SEC62: variants seen among roughly 807,000 people sequenced by gnomAD.
SEC62 encodes SEC62 preprotein translocation factor.
Under a neutral mutation model 47.5 loss-of-function variants are expected in SEC62, and 10 were observed. That is an observed-to-expected ratio of 0.21 (90% CI 0.13 to 0.36). The LOEUF is 0.36. SEC62 is among the 10% of genes least tolerant of loss of function. The probability of loss-of-function intolerance (pLI) is 1.00; values close to 1 mark genes in which losing one functional copy is unlikely to be tolerated. For synonymous variants in SEC62, 136 were observed against 150.5 expected, an observed-to-expected ratio of 0.90 and a Z score of 0.71; for missense variants, 327 against 464.1, an observed-to-expected ratio of 0.70 and a Z score of 2.71.
At chr3:169,975,830 G>T in intron 2 of SEC62, 114 bp downstream of exon 2, 1 of 595,796 alleles carries the variant, frequency 1.7e-6, no homozygotes. Flanking sequence ...TCTGGTGATG[G>T]ACATATGGCA....
rs542234441 is a variant in SEC62, at chr3:169,986,022, A to T, written c.610+157A>T. 6 of 550,036 alleles carry T rather than the reference A, an allele frequency of 1.1e-5. No homozygotes were observed. In the African/African-American group the frequency reaches 1.1e-4, roughly 11 times the overall value. 34.1% of individuals were successfully genotyped at this position (550,036 alleles called of 1,614,324 possible). On this transcript the variant is annotated intron_variant, in intron 6 of 7. Transcript: ENST00000337002. ...TCAGAAGATAAATAATACACTAAGG[A>T]AAATATTTGAAACATATTAAAGATC... is the stretch of plus-strand genomic sequence containing the variant.
chr3:169,987,253 CTCGTT>C (rs1715131759), intron 6 of SEC62, among the ~76,000 whole-genome samples: 1 of 151,912 alleles, frequency 6.6e-6, no homozygotes, highest in Admixed American at 6.6e-5. Flanking sequence ...ATGGCGAAAC[CTCGTT>C]TCTACAAAAA....
chr3:169,987,109 T>C (rs1715127906), intron 6 of SEC62, among the ~76,000 whole-genome samples: 1 of 151,674 alleles, frequency 6.6e-6, no homozygotes, highest in South Asian at 2.1e-4. Context: ...TTGGTCAATA[T>C]GGTATGATAG....
intron 1 of SEC62, among the ~76,000 whole-genome samples, chr3:169,970,640 G>A (rs1370435057): frequency 2.0e-5 from 3 of 152,150 alleles, no homozygotes; most frequent in Non-Finnish European, 4.4e-5. Flanking sequence ...AAATAATTTT[G>A]TATTTTAAGT....
chr3:169,970,587 A>G (rs897135693), intron 1 of SEC62, among the ~76,000 whole-genome samples: 5 of 152,224 alleles, frequency 3.3e-5, no homozygotes, highest in African/African-American at 1.2e-4. Flanking sequence ...AACAGTATTT[A>G]TTAAAGAATT....
At position 169,986,016 on chromosome 3, in the gene SEC62, C is replaced by T. The variant is rs1406698161; in HGVS notation, c.610+151C>T. 5 of 541,030 alleles carry T rather than the reference C, an allele frequency of 9.2e-6. No homozygotes were observed. The East Asian group carries it at 9.3e-5, about 10-fold the overall frequency. 33.5% of individuals were successfully genotyped at this position (541,030 alleles called of 1,614,324 possible). A position where few individuals can be genotyped will look rare whatever the true frequency, so the allele number is the denominator to read the frequency against. On this transcript the variant is annotated intron_variant, in intron 6 of 7. Transcript: ENST00000337002. ...ATAAAGTCAGAAGATAAATAATACACTAAGGAAAATATTTGAAACATATTA... is the reference window on the plus strand; with the variant it reads ...ATAAAGTCAGAAGATAAATAATACATTAAGGAAAATATTTGAAACATATTA...
intron 1 of SEC62, among the ~76,000 whole-genome samples, chr3:169,970,085 C>G (rs1173625492): frequency 6.6e-6 from 1 of 152,134 alleles, no homozygotes; most frequent in Non-Finnish European, 1.5e-5. Flanking sequence ...CTCAGGAAGC[C>G]AGTCCTAAAT....
rs1215600677 is a variant in SEC62 at position 169,977,033 on chromosome 3, T to C, written c.233T>C (p.Val78Ala). The C allele has an allele frequency of 6.2e-7, 1 of 1,609,860 alleles. No individual in the cohort carries two copies. The highest frequency in any genetic ancestry group is 1.7e-5 in the Admixed American group (1 of 59,930). Residue 78 changes from valine to alanine, a missense_variant, in exon 3 of 8, where the codon GTG (valine) becomes GCG (alanine). Physicochemically the swap from Val to Ala is moderately conservative, Grantham distance 64 (BLOSUM62 0). Coordinates refer to ENST00000337002, the MANE Select transcript of SEC62 (RefSeq NM_003262.4). ...EEALFTTRES[V>A]VDYCNRLLKK... ...GCTTTATTTACAACCAGGGAGTCTG[T>C]GGTTGACTACTGCAACAGGTACTGT...
At chr3:169,976,657 C>T (rs567510628) in intron 2 of SEC62, among the ~76,000 whole-genome samples, 1 of 152,252 alleles carries the variant, frequency 6.6e-6, no homozygotes, top group Non-Finnish European at 1.5e-5. Context: ...GTGATAGTTA[C>T]ATACAGATAT....
Position 169,982,840 on chromosome 3 carries a change from A to T in SEC62, c.385A>T (p.Asn129Tyr), listed in dbSNP as rs897727271. The change falls in exon 4 of 8, where the codon AAT (asparagine) becomes TAT (tyrosine). Residue 129 changes from asparagine (N) to tyrosine (Y), a missense_variant. By Grantham distance (143) the Asn-to-Tyr change is moderately radical (BLOSUM62 -2). Transcript: ENST00000337002. ...AGAAGATAAAAAGAGCAAGAAAGAAAATATAAAGGATGAGAAGACAAAAAA... is the reference window on the plus strand; with the variant it reads ...AGAAGATAAAAAGAGCAAGAAAGAATATATAAAGGATGAGAAGACAAAAAA... Reference protein sequence around the residue: ...KEEDKKSKKENIKDEKTKKEK... With the variant: ...KEEDKKSKKEYIKDEKTKKEK... 1.9e-6 allele frequency: 3 copies of T among 1,587,066 alleles called. No individual in the cohort carries two copies. Among genetic ancestry groups the T allele is most frequent in the Non-Finnish European group, 2.6e-6 (3 of 1,169,556 alleles).
intron 2 of SEC62, among the ~76,000 whole-genome samples, chr3:169,976,338 A>T (rs140619604): frequency 0.013 from 1,936 of 152,308 alleles, 49 homozygotes; most frequent in African/African-American, 0.044. Context: ...ACTGTACTCC[A>T]GCCTGGGTGA....
intron 3 of SEC62, among the ~76,000 whole-genome samples, chr3:169,981,733 T>C (rs1387612063): frequency 6.6e-6 from 1 of 152,164 alleles, no homozygotes; most frequent in Non-Finnish European, 1.5e-5. Flanking sequence ...TGGGGTCAGA[T>C]AAAAAATGAA....
At chr3:169,976,139 A>G (rs1714830526) in intron 2 of SEC62, among the ~76,000 whole-genome samples, 1 of 152,114 alleles carries the variant, frequency 6.6e-6, no homozygotes, top group Non-Finnish European at 1.5e-5. Context: ...GCTCACACCT[A>G]TAGTACCAAC....
Position 169,969,049 on chromosome 3 carries a change from A to G in SEC62, c.36+2191A>G, listed in dbSNP as rs73043927. 2.0e-3 allele frequency among the ~76,000 whole-genome samples: 298 copies of G among 152,342 alleles called. 2 individuals are homozygous for G. The highest frequency in any genetic ancestry group is 6.5e-3 in the African/African-American group (272 of 41,590). Reference sequence around the variant, plus strand: ...TGTGATAAAAAGATCAAATGTAATGAAAAGTTCAGAGTTTAACTTACAAAA... The same window carrying G: ...TGTGATAAAAAGATCAAATGTAATGGAAAGTTCAGAGTTTAACTTACAAAA... On this transcript the variant is annotated intron_variant, in intron 1 of 7. Coordinates refer to ENST00000337002, the MANE Select transcript of SEC62 (RefSeq NM_003262.4).
chr3:169,993,436 C>T lies in SEC62; in HGVS notation c.*373C>T, dbSNP rs1425400613. The T allele has an allele frequency of 2.9e-5, 5 of 170,560 alleles. No individual in the cohort carries two copies. The highest frequency in any genetic ancestry group is 6.3e-5 in the Non-Finnish European group (5 of 79,746). The allele number at this position is 170,560 out of a possible 1,614,324, so 10.6% of individuals were successfully genotyped here. On this transcript the variant is annotated 3_prime_UTR_variant, in exon 8 of 8. Coordinates refer to ENST00000337002, the MANE Select transcript of SEC62 (RefSeq NM_003262.4). Reference sequence around the variant, plus strand: ...TTTAAAAGGAACAAAGAAACTCCAACATTTCACATTATGCATAGTTATGTA... The same window carrying T: ...TTTAAAAGGAACAAAGAAACTCCAATATTTCACATTATGCATAGTTATGTA...
intron 2 of SEC62, 65 bp downstream of exon 2, chr3:169,975,781 T>C (rs1714821732): frequency 8.9e-7 from 1 of 1,125,260 alleles, no homozygotes; most frequent in Admixed American, 1.7e-5. Flanking sequence ...ACATTTGGGA[T>C]ATGTAGAAGT....
At chr3:169,990,407 A>G (rs1715217930) in intron 7 of SEC62, among the ~76,000 whole-genome samples, 1 of 152,132 alleles carries the variant, frequency 6.6e-6, no homozygotes, top group South Asian at 2.1e-4. Flanking sequence ...CGCTTTTAGC[A>G]TAGGAATGTT....
rs1715335569 is a variant in SEC62, at chr3:169,994,798, TGTG to T, written c.*1736_*1738del. On this transcript the variant is annotated 3_prime_UTR_variant, in exon 8 of 8. Coordinates refer to ENST00000337002, the MANE Select transcript of SEC62 (RefSeq NM_003262.4). Reference sequence around the variant, plus strand: ...TTATTTCATTAACCTTTACTATTACTGTGATAATACCCAGGCACTCAATATTCA... The same window carrying T: ...TTATTTCATTAACCTTTACTATTACTATAATACCCAGGCACTCAATATTCA... 6.6e-6 allele frequency: 1 copy of T among 152,166 alleles called. No individual in the cohort carries two copies. The highest frequency in any genetic ancestry group is 1.5e-5 in the Non-Finnish European group (1 of 68,010). 9.4% of individuals were successfully genotyped at this position (152,166 alleles called of 1,614,324 possible).
chr3:169,975,288 A>AT (rs1714805978), intron 1 of SEC62, among the ~76,000 whole-genome samples: 2 of 151,910 alleles, frequency 1.3e-5, no homozygotes, highest in South Asian at 4.2e-4. Flanking sequence ...CTCAAAAAAA[A>AT]AAAAAAAAAA....
Sources: gnomAD v4.1 joint callset for allele counts (sites outside exome capture counted in the v4.1 genomes callset) on GRCh38, gnomAD v4.1.1 for gene constraint, MANE v1.5 for transcripts, NCBI Gene and HGNC (gene_info 2026-07-23, HGNC 2026-07-21) for gene names.